Variants in EVI5 observed in about 807,000 individuals in gnomAD.
EVI5 encodes the protein ecotropic viral integration site 5.
Under a neutral mutation model 112.0 loss-of-function variants are expected in EVI5, and 73 were observed. The observed-to-expected ratio is 0.65, with a 90% confidence interval of 0.54 to 0.79. EVI5 has a LOEUF of 0.79. Ranked by LOEUF, EVI5 falls within the 30% of genes least tolerant of loss-of-function variation. The pLI is 0.00. For synonymous variants in EVI5, 305 were observed against 319.9 expected, an observed-to-expected ratio of 0.95 and a Z score of 0.50; for missense variants, 900 against 968.8, an observed-to-expected ratio of 0.93 and a Z score of 0.94.
intron 18 of EVI5, among the ~76,000 whole-genome samples, chr1:92,592,616 T>C (rs1674161163): frequency 6.6e-6 from 1 of 152,066 alleles, no homozygotes. Context: ...CTTCAAAAAA[T>C]CAATGAATCC....
intron 18 of EVI5, among the ~76,000 whole-genome samples, chr1:92,569,699 C>T (rs890309001): frequency 1.3e-5 from 2 of 151,592 alleles, no homozygotes; most frequent in African/African-American, 4.8e-5. Flanking sequence ...ACTAAAAATA[C>T]AAAAACTAGC....
chr1:92,612,924 T>TA lies in EVI5; in HGVS notation c.1828-5198dup, dbSNP rs577444295. Among the ~76,000 whole-genome samples, 129 of 152,236 alleles carry TA rather than the reference T, an allele frequency of 8.5e-4. 1 individual carries two copies. The highest frequency in any genetic ancestry group is 6.0e-3 in the South Asian group (29 of 4,824). ...GTGAAGGCGCAGGAGGCAGCAGACT[T>TA]AGAGTCTAAGTTCACAAACTCTTGC... On this transcript the variant is annotated intron_variant, in intron 16 of 19. Transcript: ENST00000684568.
At chr1:92,771,470 T>C (rs775465207) in intron 1 of EVI5, among the ~76,000 whole-genome samples, 2 of 152,084 alleles carry the variant, frequency 1.3e-5, no homozygotes, top group Admixed American at 1.3e-4. Flanking sequence ...AACAGATACA[T>C]AGGGGTCACC....
At position 92,607,667 on chromosome 1, in the gene EVI5, T is replaced by C. The variant is rs1463584321; in HGVS notation, c.1888A>G (p.Lys630Glu). ...TTCTGTGCAGAAAGATACTGCACTT[T>C]CTCCTGTAGGCTAATCACCTCTTGT... Reference protein sequence around the residue: ...AEQEVISLQEKVQYLSAQNKG... With the variant: ...AEQEVISLQEEVQYLSAQNKG... Residue 630 changes from lysine (K) to glutamate (E), a missense_variant, in exon 17 of 20, where the codon AAA (lysine) becomes GAA (glutamate). Lys to Glu is a moderately conservative substitution (Grantham distance 56). Coordinates refer to ENST00000684568, the MANE Select transcript of EVI5 (RefSeq NM_001350197.2). 2.5e-6 allele frequency: 4 copies of C among 1,605,988 alleles called. No individual in the cohort carries two copies. In the Admixed American group the frequency reaches 6.8e-5, roughly 27 times the overall value.
At chr1:92,676,348 T>C (rs1362035842) in intron 10 of EVI5, among the ~76,000 whole-genome samples, 2 of 131,184 alleles carry the variant, frequency 1.5e-5, no homozygotes, top group East Asian at 4.5e-4. Context: ...ACACAAAGTT[T>C]AAAAAGGGAG....
intron 3 of EVI5, 73 bp downstream of exon 3, chr1:92,704,482 C>T: frequency 1.0e-6 from 1 of 978,014 alleles, no homozygotes; most frequent in Non-Finnish European, 1.5e-6. Context: ...GGGTTTTTTT[C>T]CCAATCCTCT....
chr1:92,772,967 A>G (rs10874740), intron 1 of EVI5, among the ~76,000 whole-genome samples: 138,923 of 149,860 alleles, frequency 0.93, 64,497 homozygotes, highest in East Asian at 0.97. Context: ...CAGCACTTTC[A>G]GAGCCCGAGG....
At position 92,636,344 on chromosome 1, in the gene EVI5, TTAC is replaced by T; in HGVS notation, c.1393-11_1393-9del. On this transcript the variant is annotated splice_polypyrimidine_tract_variant and intron_variant, in intron 13 of 19. Transcript: ENST00000684568. ...GTTGGAACTGCATTTATGCTAAAGGTTACAGACATACACTGAAATTTCATGAAA... is the reference window on the plus strand; with the variant it reads ...GTTGGAACTGCATTTATGCTAAAGGTAGACATACACTGAAATTTCATGAAA... 1 of 1,611,224 alleles carries T rather than the reference TTAC, an allele frequency of 6.2e-7. No homozygotes were observed. Among genetic ancestry groups the T allele is most frequent in the Non-Finnish European group, 8.5e-7 (1 of 1,177,936 alleles).
At chr1:92,761,798 C>A (rs1258166561) in intron 1 of EVI5, among the ~76,000 whole-genome samples, 1 of 152,080 alleles carries the variant, frequency 6.6e-6, no homozygotes, top group Non-Finnish European at 1.5e-5. Flanking sequence ...AAGGTTGGTA[C>A]AAATATCTTA....
intron 2 of EVI5, among the ~76,000 whole-genome samples, chr1:92,711,445 T>C (rs1262287934): frequency 6.6e-6 from 1 of 152,118 alleles, no homozygotes; most frequent in Non-Finnish European, 1.5e-5. Flanking sequence ...AGATAATTTA[T>C]AAGGAGCTAA....
At chr1:92,770,808 C>A (rs953228315) in intron 1 of EVI5, among the ~76,000 whole-genome samples, 2 of 151,704 alleles carry the variant, frequency 1.3e-5, no homozygotes, top group African/African-American at 4.8e-5. Flanking sequence ...GAAAAAGAAA[C>A]CTCCAAAAGT....
At chr1:92,521,159 G>A (rs1018491594) in intron 19 of EVI5, among the ~76,000 whole-genome samples, 1 of 151,734 alleles carries the variant, frequency 6.6e-6, no homozygotes, top group Non-Finnish European at 1.5e-5. Context: ...ACGGAGTTTC[G>A]CTATGTTGCC....
chr1:92,641,851 C>T (rs12025792), intron 13 of EVI5, among the ~76,000 whole-genome samples: 91,262 of 152,026 alleles, frequency 0.6, 28,440 homozygotes, highest in East Asian at 0.92. Flanking sequence ...AAAAATAGGC[C>T]GGGAGCGGTG....
chr1:92,516,149 G>A (rs1426556960), intron 19 of EVI5, among the ~76,000 whole-genome samples: 1 of 152,164 alleles, frequency 6.6e-6, no homozygotes, highest in Non-Finnish European at 1.5e-5. Flanking sequence ...ATAGCTCCAA[G>A]TGTTAAATTA....
intron 19 of EVI5, among the ~76,000 whole-genome samples, chr1:92,525,744 C>A (rs1187491354): frequency 6.6e-6 from 1 of 152,194 alleles, no homozygotes; most frequent in Non-Finnish European, 1.5e-5. Flanking sequence ...ATTAGCTCAT[C>A]GGACGCTGGT....
At position 92,709,339 on chromosome 1, in the gene EVI5, T is replaced by C. The variant is rs1013466789; in HGVS notation, c.150-4595A>G. On this transcript the variant is annotated intron_variant, in intron 2 of 19. Coordinates refer to ENST00000684568, the MANE Select transcript of EVI5 (RefSeq NM_001350197.2). ...GAACTACACATTTCTCTGCATATTA[T>C]TCATCAATTTTTATCACTTCATCAA... Among the ~76,000 whole-genome samples the C allele has an allele frequency of 2.6e-5, 4 of 152,208 alleles. No individual in the cohort carries two copies. In the South Asian group the frequency reaches 8.3e-4, roughly 32 times the overall value.
At chr1:92,753,987 T>C (rs1042754324) in intron 1 of EVI5, among the ~76,000 whole-genome samples, 2 of 152,160 alleles carry the variant, frequency 1.3e-5, no homozygotes, top group African/African-American at 2.4e-5. Context: ...ATGAAAGTCA[T>C]CTAGGAAAGA....
intron 18 of EVI5, among the ~76,000 whole-genome samples, chr1:92,567,624 G>A (rs553541036): frequency 1.8e-4 from 27 of 152,306 alleles, no homozygotes; most frequent in African/African-American, 6.5e-4. Flanking sequence ...ATATAGCCTA[G>A]GTGAGTAGTA....
At chr1:92,632,165 A>G (rs1050778312) in intron 14 of EVI5, among the ~76,000 whole-genome samples, 27 of 152,060 alleles carry the variant, frequency 1.8e-4, no homozygotes. Flanking sequence ...GTCTCTGCCA[A>G]CCTTTGGTAT....
Sources: gnomAD v4.1 joint callset for allele counts (sites outside exome capture counted in the v4.1 genomes callset) on GRCh38, gnomAD v4.1.1 for gene constraint, MANE v1.5 for transcripts, NCBI Gene and HGNC (gene_info 2026-07-23, HGNC 2026-07-21) for gene names.